SPEF2: variants seen among roughly 807,000 people sequenced by gnomAD.
SPEF2 encodes the protein sperm flagella and cilia-associated protein 2.
A neutral mutation model predicts 224.6 loss-of-function variants in SPEF2; 187 were observed. The observed-to-expected ratio is 0.83, with a 90% confidence interval of 0.74 to 0.94. The LOEUF is 0.94. SPEF2 is among the 40% of genes least tolerant of loss of function. SPEF2 has a pLI of 0.00. For missense variants in SPEF2, 2,170 were observed against 2,135.6 expected, an observed-to-expected ratio of 1.02 and a Z score of -0.32; for synonymous variants, 715 against 707.3, an observed-to-expected ratio of 1.01 and a Z score of -0.17.
chr5:35,750,665 A>G (rs995771966), intron 23 of SPEF2, among the ~76,000 whole-genome samples: 1 of 152,060 alleles, frequency 6.6e-6, no homozygotes, highest in Non-Finnish European at 1.5e-5. Context: ...CTCCTGCAAG[A>G]ATGGCCATAA....
intron 20 of SPEF2, among the ~76,000 whole-genome samples, chr5:35,720,671 T>G (rs1044648564): frequency 2.2e-4 from 34 of 152,192 alleles, no homozygotes; most frequent in African/African-American, 8.0e-4. Flanking sequence ...AGCATATACT[T>G]AGACATTAGA....
intron 36 of SPEF2, among the ~76,000 whole-genome samples, chr5:35,810,306 G>A (rs556481992): frequency 1.1e-4 from 16 of 152,156 alleles, no homozygotes; most frequent in South Asian, 8.3e-4. Flanking sequence ...CCACCTCCTG[G>A]GTTCACACGA....
At chr5:35,746,074 C>T (rs1280475723) in intron 23 of SPEF2, among the ~76,000 whole-genome samples, 1 of 152,196 alleles carries the variant, frequency 6.6e-6, no homozygotes, top group Non-Finnish European at 1.5e-5. Flanking sequence ...AGACAGACAA[C>T]AATCACTGCA....
At position 35,619,405 on chromosome 5, in the gene SPEF2, G is replaced by A. The variant is rs532308714; in HGVS notation, c.58+1350G>A. On this transcript the variant is annotated intron_variant, in intron 1 of 36. Coordinates refer to ENST00000356031, the MANE Select transcript of SPEF2 (RefSeq NM_024867.4). ...TATTAGTAAAAACCACACCCGGGCC[G>A]GGTGCGGTGGCTCACGCCTGTAATG... Among the ~76,000 whole-genome samples, 29 of 152,274 alleles carry A rather than the reference G, an allele frequency of 1.9e-4. 1 individual carries two copies. In the South Asian group the frequency reaches 5.2e-3, roughly 27 times the overall value.
rs80251679 is a variant in SPEF2, at chr5:35,625,776, C to T, written c.59-2684C>T. Among the ~76,000 whole-genome samples the T allele has an allele frequency of 9.0e-3, 1,365 of 152,152 alleles. 15 individuals are homozygous for T. The highest frequency in any genetic ancestry group is 0.013 in the Admixed American group (205 of 15,292). The stretch of plus-strand genomic sequence containing the variant: ...CACAGCTAGAGCACCCTGGGTGGCA[C>T]ATTGAGGGTCATGGTGGCAACGAGA... On this transcript the variant is annotated intron_variant, in intron 1 of 36. Transcript: ENST00000356031.
rs200826140 is a variant in SPEF2 at position 35,774,014 on chromosome 5, A to G, written c.4071A>G (p.Gln1357=). 21 of 1,611,998 alleles carry G rather than the reference A, an allele frequency of 1.3e-5. No homozygotes were observed. Among genetic ancestry groups the G allele is most frequent in the East Asian group, 2.2e-5 (1 of 44,826 alleles). Residue 1357 remains glutamine (Q), a synonymous_variant, in exon 28 of 37, where the codon CAA becomes CAG. Coordinates refer to ENST00000356031, the MANE Select transcript of SPEF2 (RefSeq NM_024867.4). Reference sequence around the variant, plus strand: ...AAGAAGAACACCTTGCTGCCTTGCAATTTGAAGGTAGCGATTGAAACGACT... The same window carrying G: ...AAGAAGAACACCTTGCTGCCTTGCAGTTTGAAGGTAGCGATTGAAACGACT... ...KIKEEHLAAL[Q]FEEIATQFRL...
At chr5:35,658,697 G>A (rs1749292044) in intron 7 of SPEF2, among the ~76,000 whole-genome samples, 2 of 151,498 alleles carry the variant, frequency 1.3e-5, no homozygotes, top group South Asian at 4.2e-4. Flanking sequence ...CAGATATTAA[G>A]CCTAGTATCC....
intron 32 of SPEF2, 36 bp from the exon 33 acceptor site, chr5:35,795,667 A>G (rs1756565546): frequency 1.3e-6 from 2 of 1,585,094 alleles, no homozygotes; most frequent in Non-Finnish European, 8.6e-7. Context: ...AGCAAAATAC[A>G]TACTTTAACA....
At chr5:35,726,464 T>C (rs1744672072) in intron 20 of SPEF2, among the ~76,000 whole-genome samples, 2 of 152,110 alleles carry the variant, frequency 1.3e-5, no homozygotes, top group South Asian at 4.1e-4. Flanking sequence ...TTCTTAAATT[T>C]TTCTAAATTT....
chr5:35,724,917 TA>T (rs1744377810), intron 20 of SPEF2, among the ~76,000 whole-genome samples: 2 of 152,328 alleles, frequency 1.3e-5, no homozygotes, highest in South Asian at 2.1e-4. Context: ...ATAAAGGTGC[TA>T]AAATTAGGTT....
At chr5:35,792,888 A>G (rs3822736) in intron 31 of SPEF2, among the ~76,000 whole-genome samples, 43,253 of 152,170 alleles carry the variant, frequency 0.28, 6,433 homozygotes, top group African/African-American at 0.36. Flanking sequence ...TTGGAAAGGT[A>G]CAAAGTTAAC....
chr5:35,684,497 A>T (rs545521663), intron 10 of SPEF2, among the ~76,000 whole-genome samples: 1 of 152,270 alleles, frequency 6.6e-6, no homozygotes, highest in East Asian at 1.9e-4. Context: ...GTGATGGAAG[A>T]GGTCTATTCG....
At chr5:35,736,468 A>T (rs1031410258) in intron 21 of SPEF2, among the ~76,000 whole-genome samples, 4 of 149,132 alleles carry the variant, frequency 2.7e-5, no homozygotes, top group African/African-American at 9.9e-5. Flanking sequence ...CAAGTGACAG[A>T]GTGTGTGTGT....
chr5:35,804,704 C>T (rs1757850708), intron 34 of SPEF2, among the ~76,000 whole-genome samples: 1 of 146,060 alleles, frequency 6.8e-6, no homozygotes, highest in Admixed American at 6.8e-5. Flanking sequence ...TACATTGCTA[C>T]CTCTTAAATT....
chr5:35,776,491 T>C (rs1022009107), intron 29 of SPEF2, 96 bp downstream of exon 29: 1 of 1,418,198 alleles, frequency 7.1e-7, no homozygotes, highest in African/African-American at 1.4e-5. Context: ...TTAAGTTAGT[T>C]ACAAATATAA....
chr5:35,712,926 G>T (rs1200449044), intron 20 of SPEF2, 40 bp downstream of exon 20: 5 of 1,542,426 alleles, frequency 3.2e-6, no homozygotes, highest in Non-Finnish European at 3.6e-6. Flanking sequence ...ATGTAATTCT[G>T]CATTTTATAA....
intron 31 of SPEF2, 45 bp from the exon 32 acceptor site, chr5:35,793,114 T>C: frequency 6.5e-7 from 1 of 1,548,834 alleles, no homozygotes; most frequent in Non-Finnish European, 8.8e-7. Flanking sequence ...AGCATCAAGA[T>C]AGATTCATGT....
chr5:35,762,572 C>A (rs1469479837), intron 25 of SPEF2, among the ~76,000 whole-genome samples: 2 of 152,164 alleles, frequency 1.3e-5, no homozygotes, highest in African/African-American at 4.8e-5. Flanking sequence ...TCTTCTCCAG[C>A]AACTTGAGTC....
Position 35,691,202 on chromosome 5 carries a change from T to C in SPEF2, c.1690T>C (p.Leu564=), listed in dbSNP as rs755660044. The C allele has an allele frequency of 6.2e-7, 1 of 1,614,058 alleles. No individual in the cohort carries two copies. Among genetic ancestry groups the C allele is most frequent in the African/African-American group, 1.3e-5 (1 of 75,044 alleles). The change falls in exon 11 of 37, where the codon TTA becomes CTA. Residue 564 remains leucine, a synonymous_variant. Transcript: ENST00000356031. ...ELPSFAVKGC[L]LGKTLSGKTT... ...ACCTTCATTTGCTGTTAAAGGATGC[T>C]TATTGGGGAAAACATTAAGTGGAAA...
Sources: allele counts gnomAD v4.1 joint callset (sites outside exome capture counted in the v4.1 genomes callset), GRCh38; gene constraint gnomAD v4.1.1; transcripts MANE v1.5; gene names NCBI Gene and HGNC (gene_info 2026-07-23, HGNC 2026-07-21).